MAP3K10: variants seen among roughly 807,000 people sequenced by gnomAD.
MAP3K10 encodes MKN28 derived nonreceptor_type serine/threonine kinase.
A neutral mutation model predicts 75.0 loss-of-function variants in MAP3K10; 22 were observed. The observed-to-expected ratio is 0.29, with a 90% confidence interval of 0.21 to 0.42. The LOEUF (loss-of-function observed/expected upper bound fraction) is 0.42. Among genes scored for constraint, MAP3K10 ranks in the 10% least tolerant of loss-of-function variants. The probability of loss-of-function intolerance (pLI) is 1.00; values close to 1 mark genes in which losing one functional copy is unlikely to be tolerated. For synonymous variants in MAP3K10, 599 were observed against 612.9 expected (o/e 0.98, Z 0.34); for missense variants, 1,165 against 1,379.8 (o/e 0.84, Z 2.47).
chr19:40,211,529 C>T (rs1049806200), intron 6 of MAP3K10, among the ~76,000 whole-genome samples: 3 of 151,114 alleles, frequency 2.0e-5, no homozygotes, highest in Admixed American at 6.6e-5. Flanking sequence ...CTCCCTCCCC[C>T]ACCCTACCCC....
chr19:40,204,494 G>C lies in MAP3K10; in HGVS notation c.873G>C (p.Val291=). The change falls in exon 3 of 10, where the codon GTG becomes GTC. Residue 291 remains valine, a synonymous_variant. Coordinates refer to ENST00000253055, the MANE Select transcript of MAP3K10 (RefSeq NM_002446.4). The surrounding 1 kb of genome is among the most constrained non-coding windows in gnomAD (Gnocchi z 4.3). ...TCTCCCCTGCCTGCAGCTTCGGGGT[G>C]CTGCTGTGGGAGCTGCTGACGGGGG... The part of the protein sequence containing the change: ...SKSSDVWSFG[V]LLWELLTGEV... 1.2e-6 allele frequency: 2 copies of C among 1,613,256 alleles called. No individual in the cohort carries two copies. Among genetic ancestry groups the C allele is most frequent in the Non-Finnish European group, 1.7e-6 (2 of 1,179,814 alleles).
intron 2 of MAP3K10, among the ~76,000 whole-genome samples, chr19:40,202,645 C>G (rs1320512495): frequency 6.6e-6 from 1 of 152,064 alleles, no homozygotes; most frequent in East Asian, 1.9e-4. Context: ...ATTTATTTTT[C>G]ATTTAAAAAA....
At chr19:40,197,077 G>T (rs1259071052) in intron 1 of MAP3K10, among the ~76,000 whole-genome samples, 1 of 152,192 alleles carries the variant, frequency 6.6e-6, no homozygotes, top group Non-Finnish European at 1.5e-5. Context: ...TACTGCTCCT[G>T]CATTTGCGGA....
In MAP3K10 at chr19:40,214,529, G is replaced by A. The variant is rs1379666328; in HGVS notation, c.2542+308G>A. ...TCCTCCATCTGTTAACTGGGTGGGA[G>A]ATGCGGCCATAGCAGTGTTATTAAG... is the stretch of plus-strand genomic sequence containing the variant. On this transcript the variant is annotated intron_variant, in intron 9 of 9. Transcript: ENST00000253055. 3.9e-5 allele frequency among the ~76,000 whole-genome samples: 6 copies of A among 152,226 alleles called. No homozygotes were observed. In the East Asian group the frequency reaches 1.2e-3, roughly 29 times the overall value.
Position 40,209,110 on chromosome 19 carries a change from G to A in MAP3K10, c.1443G>A (p.Glu481=), listed in dbSNP as rs768520889. The A allele has an allele frequency of 3.1e-6, 5 of 1,612,896 alleles. No homozygotes were observed. Among genetic ancestry groups the A allele is most frequent in the Non-Finnish European group, 4.2e-6 (5 of 1,178,862 alleles). Residue 481 remains glutamate, a synonymous_variant, in exon 6 of 10, where the codon GAG becomes GAA. Coordinates refer to ENST00000253055, the MANE Select transcript of MAP3K10 (RefSeq NM_002446.4). ...TTCTCTTTCTTTCTGCAGGCTTTGA[G>A]CATAAGATCACAGTCCAGGCCTCTC... The part of the protein sequence containing the change: ...GSHISLPSGF[E]HKITVQASPT...
chr19:40,214,490 C>T (rs1973313026), intron 9 of MAP3K10, among the ~76,000 whole-genome samples: 1 of 152,180 alleles, frequency 6.6e-6, no homozygotes, highest in Non-Finnish European at 1.5e-5. Flanking sequence ...TCTTACACAG[C>T]CTAGACACTG....
In MAP3K10 at chr19:40,214,002, T is replaced by TGCCCCCCCCCCCCCCCCCCCCC; in HGVS notation, c.2323_2324insGCCCCCCCCCCCCCCCCCCCCC (p.Ser775CysfsTer84). 9 of 1,493,664 alleles carry TGCCCCCCCCCCCCCCCCCCCCC rather than the reference T, an allele frequency of 6.0e-6. No individual in the cohort carries two copies. Among genetic ancestry groups the TGCCCCCCCCCCCCCCCCCCCCC allele is most frequent in the East Asian group, 2.6e-5 (1 of 37,788 alleles). The allele number at this position is 1,493,664 out of a possible 1,614,324, so 92.5% of individuals were successfully genotyped here. On this transcript the variant is annotated frameshift_variant, in exon 9 of 10. Transcript: ENST00000253055. LOFTEE classifies it high-confidence loss of function. ...TGACGAGGCCGCACCGGCCGCGCCC[T>TGCCCCCCCCCCCCCCCCCCCCC]CCCCACCACCCTCCCCGCCCGCGCC...
At chr19:40,197,885 G>A (rs997468354) in intron 1 of MAP3K10, among the ~76,000 whole-genome samples, 4 of 151,936 alleles carry the variant, frequency 2.6e-5, no homozygotes, top group Non-Finnish European at 5.9e-5. Flanking sequence ...AGGCTGGAGT[G>A]CAATGGCAAG....
chr19:40,215,039 C>T lies in MAP3K10; in HGVS notation c.2612C>T (p.Pro871Leu). The T allele has an allele frequency of 1.2e-6, 2 of 1,603,988 alleles. No individual in the cohort carries two copies. The highest frequency in any genetic ancestry group is 1.7e-6 in the Non-Finnish European group (2 of 1,173,664). The change falls in exon 10 of 10, where the codon CCC (proline) becomes CTC (leucine). Residue 871 changes from proline (P) to leucine (L), a missense_variant. Transcript: ENST00000253055. ...GCCCTGTTCCCAGCCCGCCGCCGGCCCCCTGAGTTCCCAGGCCGCCCCACC... is the reference window on the plus strand; with the variant it reads ...GCCCTGTTCCCAGCCCGCCGCCGGCTCCCTGAGTTCCCAGGCCGCCCCACC... ...PQALFPARRR[P>L]PEFPGRPTTL...
intron 5 of MAP3K10, among the ~76,000 whole-genome samples, chr19:40,208,773 C>T (rs1424944037): frequency 6.6e-6 from 1 of 151,986 alleles, no homozygotes; most frequent in African/African-American, 2.4e-5. Flanking sequence ...AGCTGCTACA[C>T]GTAGCTACTG....
chr19:40,213,697 TG>T lies in MAP3K10; in HGVS notation c.2020del (p.Ala674ArgfsTer3). On this transcript the variant is annotated frameshift_variant, in exon 9 of 10. Transcript: ENST00000253055. LOFTEE classifies it high-confidence loss of function. This position sits in a 1 kb window ranked among gnomAD's most constrained non-coding sequence, Gnocchi z 5.7. ...WGHGARRRCD[L>X]ALLGCATLLG... ...CACGGCGCCCGGCGGCGCTGCGACCTGGCGCTGCTAGGCTGCGCCACGCTGC... is the reference window on the plus strand; with the variant it reads ...CACGGCGCCCGGCGGCGCTGCGACCTGCGCTGCTAGGCTGCGCCACGCTGC... 1 of 1,085,680 alleles carries T rather than the reference TG, an allele frequency of 9.2e-7. No homozygotes were observed. The highest frequency in any genetic ancestry group is 1.1e-6 in the Non-Finnish European group (1 of 893,102). The allele number at this position is 1,085,680 out of a possible 1,614,324, so 67.3% of individuals were successfully genotyped here.
rs532187717 is a variant in MAP3K10, at chr19:40,209,401, CT to C, written c.1552+196del. ...AATAAGTCAGTAAGCAGGATAATTT[CT>C]TTTTTTTTTTTTTCTTTTTTTTTGG... On this transcript the variant is annotated intron_variant, in intron 6 of 9. Coordinates refer to ENST00000253055, the MANE Select transcript of MAP3K10 (RefSeq NM_002446.4). Among the ~76,000 whole-genome samples the C allele has an allele frequency of 9.1e-3, 1,303 of 142,968 alleles. 11 individuals carry two copies. The highest frequency in any genetic ancestry group is 0.026 in the African/African-American group (1,035 of 39,156). 93.8% of individuals were successfully genotyped at this position (142,968 alleles called of 152,430 possible). A position where few individuals can be genotyped will look rare whatever the true frequency, so the allele number is the denominator to read the frequency against.
chr19:40,205,224 C>T lies in MAP3K10; in HGVS notation c.1116C>T (p.Ser372=). ...CCCTGTTCCAGATGCCACTGGAGTC[C>T]TTCCACTCGCTGCAGGAAGACTGGA... ...QSALFQMPLE[S]FHSLQEDWKL... The change falls in exon 4 of 10, where the codon TCC becomes TCT. Residue 372 remains serine (S), a synonymous_variant. Coordinates refer to ENST00000253055, the MANE Select transcript of MAP3K10 (RefSeq NM_002446.4). The surrounding 1 kb of genome is among the most constrained non-coding windows in gnomAD (Gnocchi z 4.3). 1 of 1,614,126 alleles carries T rather than the reference C, an allele frequency of 6.2e-7. No individual in the cohort carries two copies. The highest frequency in any genetic ancestry group is 8.5e-7 in the Non-Finnish European group (1 of 1,180,028).
In MAP3K10 at chr19:40,212,958, G is replaced by A. The variant is rs149414474; in HGVS notation, c.1706G>A (p.Arg569Gln). The A allele has an allele frequency of 3.1e-6, 5 of 1,607,596 alleles. No homozygotes were observed. Among genetic ancestry groups the A allele is most frequent in the Non-Finnish European group, 4.2e-6 (5 of 1,176,732 alleles). The change falls in exon 7 of 10, where the codon CGG becomes CAG. Residue 569 changes from arginine to glutamine, a missense_variant. By Grantham distance (43) the Arg-to-Gln change is conservative. Around this residue, in one of 2 missense-constraint regions of MAP3K10, gnomAD observed 590 missense variants for 586.6 expected, o/e 1.01. Transcript: ENST00000253055. This position sits in a 1 kb window ranked among gnomAD's most constrained non-coding sequence, Gnocchi z 4.2. ...WGPSSTLQKERVGGEERLKGL... is the reference protein window; with the variant it reads ...WGPSSTLQKEQVGGEERLKGL... ...CCCAGCTCCACCCTGCAGAAGGAGC[G>A]GGTGGGAGGAGAGGAGAGGTGAGGT...
At chr19:40,202,398 AGCTGCAGATGTGTCCT>A (rs1973043899) in intron 2 of MAP3K10, among the ~76,000 whole-genome samples, 1 of 152,166 alleles carries the variant, frequency 6.6e-6, no homozygotes, top group South Asian at 2.1e-4. Flanking sequence ...TGCTGTGCTG[AGCTGCAGATGTGTCCT>A]GCCGCGGCTT....
chr19:40,201,203 T>C (rs1405743424), intron 2 of MAP3K10, among the ~76,000 whole-genome samples: 1 of 149,856 alleles, frequency 6.7e-6, no homozygotes, highest in Non-Finnish European at 1.5e-5. Context: ...GCTGGAGTCT[T>C]GCTCTGTCGC....
chr19:40,210,161 G>A (rs574616809), intron 6 of MAP3K10, among the ~76,000 whole-genome samples: 14 of 152,294 alleles, frequency 9.2e-5, no homozygotes, highest in African/African-American at 3.4e-4. Context: ...CAGCTACTCG[G>A]GAGGCTGAGG....
chr19:40,214,387 G>C (rs1359990960), intron 9 of MAP3K10, among the ~76,000 whole-genome samples, 166 bp downstream of exon 9: 5 of 152,204 alleles, frequency 3.3e-5, no homozygotes, highest in African/African-American at 9.7e-5. Context: ...GGCATCGGGG[G>C]TCTCCAGGGG....
At chr19:40,202,145 A>G (rs1389370691) in intron 2 of MAP3K10, among the ~76,000 whole-genome samples, 1 of 152,092 alleles carries the variant, frequency 6.6e-6, no homozygotes, top group Non-Finnish European at 1.5e-5. Context: ...GGTTCACGCC[A>G]TTCTCCTGCC....
Sources: allele counts gnomAD v4.1 joint callset (sites outside exome capture counted in the v4.1 genomes callset), GRCh38; gene constraint gnomAD v4.1.1; regional missense constraint gnomAD v4.1.1; non-coding constraint Gnocchi (gnomAD v3.1); transcripts MANE v1.5; gene names NCBI Gene and HGNC (gene_info 2026-07-23, HGNC 2026-07-21).